The following GTF2F2 variants were observed in gnomAD, a reference collection of about 807,000 sequenced individuals.
The protein encoded by GTF2F2 is ATP-dependent helicase GTF2F2.
In GTF2F2, 23 loss-of-function variants were observed where a neutral mutation model predicts 42.2. The ratio of observed to expected loss-of-function variants is 0.55; its 90% CI spans 0.39 to 0.77. The LOEUF is 0.77. GTF2F2 is among the 30% of genes least tolerant of loss of function. The pLI, the probability that GTF2F2 is intolerant of heterozygous loss-of-function variation, is 0.00. For missense variants in GTF2F2, 261 were observed against 287.2 expected (o/e 0.91, Z 0.66); for synonymous variants, 105 against 100.8 (o/e 1.04, Z -0.25).
rs1256778698 is a variant in GTF2F2 at position 45,193,909 on chromosome 13, A to C, written c.305-13515A>C. The C allele has an allele frequency of 1.2e-6, 2 of 1,614,178 alleles. No individual in the cohort carries two copies. Among genetic ancestry groups the C allele is most frequent in the Admixed American group, 3.3e-5 (2 of 60,016 alleles). On this transcript the variant is annotated intron_variant, in intron 4 of 7. Transcript: ENST00000340473. The stretch of plus-strand genomic sequence containing the variant: ...GATAGCCTCAAACTTAAGAGTTTCC[A>C]AGGTACAGACAAAGGTGTTGTCTTC...
At chr13:45,210,824 G>A (rs980688411) in intron 5 of GTF2F2, among the ~76,000 whole-genome samples, 1 of 152,094 alleles carries the variant, frequency 6.6e-6, no homozygotes, top group African/African-American at 2.4e-5. Context: ...TTTTAAGCTG[G>A]GTGGAATCTA....
intron 4 of GTF2F2, chr13:45,194,219 A>G: frequency 6.2e-7 from 1 of 1,614,132 alleles, no homozygotes; most frequent in Non-Finnish European, 8.5e-7. Context: ...TTGAGCTGAA[A>G]GAATTCTGCT....
At chr13:45,207,555 T>C (rs377359237) in intron 5 of GTF2F2, 50 bp downstream of exon 5, 105 of 1,086,004 alleles carry the variant, frequency 9.7e-5, no homozygotes, top group Admixed American at 6.9e-5. Flanking sequence ...CCTTTGGGGA[T>C]TGAGATACGT....
intron 4 of GTF2F2, among the ~76,000 whole-genome samples, chr13:45,155,850 T>C (rs1352705163): frequency 6.6e-6 from 1 of 152,250 alleles, no homozygotes; most frequent in African/African-American, 2.4e-5. Flanking sequence ...GCCTTACATT[T>C]CCCTGCCTTG....
intron 7 of GTF2F2, among the ~76,000 whole-genome samples, chr13:45,282,331 G>A (rs1877300904): frequency 6.6e-6 from 1 of 152,104 alleles, no homozygotes; most frequent in Non-Finnish European, 1.5e-5. Context: ...CAAAGGTCTA[G>A]TTTCATATTA....
At chr13:45,254,594 G>A (rs1876022205) in intron 6 of GTF2F2, among the ~76,000 whole-genome samples, 1 of 152,150 alleles carries the variant, frequency 6.6e-6, no homozygotes, top group African/African-American at 2.4e-5. Context: ...TACCTGAGGT[G>A]GTGCAGCCAG....
chr13:45,173,403 T>C lies in GTF2F2; in HGVS notation c.304+21572T>C, dbSNP rs1871696962. On this transcript the variant is annotated intron_variant, in intron 4 of 7. Transcript: ENST00000340473. ...TGTGTGTGTGTGTGTGTGTATTGTT[T>C]AGTTTCATGCAGTTTTGTCACGTGT... Among the ~76,000 whole-genome samples the C allele has an allele frequency of 2.0e-5, 3 of 151,222 alleles. No homozygotes were observed. The South Asian group carries it at 6.3e-4, about 32-fold the overall frequency.
At chr13:45,206,129 A>C (rs547685081) in intron 4 of GTF2F2, among the ~76,000 whole-genome samples, 1 of 152,306 alleles carries the variant, frequency 6.6e-6, no homozygotes, top group South Asian at 2.1e-4. Flanking sequence ...TAAGGTAGTC[A>C]TGCTTCTCAT....
intron 1 of GTF2F2, among the ~76,000 whole-genome samples, chr13:45,127,332 G>A (rs1009416743): frequency 2.0e-5 from 3 of 148,894 alleles, no homozygotes; most frequent in Non-Finnish European, 4.4e-5. Context: ...TTTTTTTTTG[G>A]TCTTTCTTTT....
intron 4 of GTF2F2, among the ~76,000 whole-genome samples, chr13:45,192,545 A>G (rs528406235): frequency 1.3e-5 from 2 of 152,326 alleles, no homozygotes; most frequent in South Asian, 4.1e-4. Context: ...ATTTTAAAAG[A>G]GCAAATTTAA....
intron 5 of GTF2F2, among the ~76,000 whole-genome samples, chr13:45,244,303 C>T (rs1815181377): frequency 1.3e-5 from 2 of 152,106 alleles, no homozygotes; most frequent in African/African-American, 4.8e-5. Context: ...GGATTAATAG[C>T]ATGAACCCTA....
chr13:45,170,698 C>A (rs1871551796), intron 4 of GTF2F2, among the ~76,000 whole-genome samples: 2 of 152,134 alleles, frequency 1.3e-5, no homozygotes, highest in African/African-American at 4.8e-5. Context: ...ACAAGAAAGA[C>A]TAGGGGCTGC....
In GTF2F2 at chr13:45,136,806, A is replaced by G. The variant is rs1438776132; in HGVS notation, c.140A>G (p.Lys47Arg). The change falls in exon 2 of 8, where the codon AAG becomes AGG. Residue 47 changes from lysine to arginine, a missense_variant and splice_region_variant. By Grantham distance (26) the Lys-to-Arg change is conservative. Transcript: ENST00000340473. ...RGEVGKLRIA[K>R]TQGRTEVSFT... is the part of the protein sequence containing the mutation. ...GAAGTTGGGAAACTGCGGATTGCCAAGTAAGTTATTTACATATTCTTGACA... is the reference window on the plus strand; with the variant it reads ...GAAGTTGGGAAACTGCGGATTGCCAGGTAAGTTATTTACATATTCTTGACA... 2.6e-6 allele frequency: 4 copies of G among 1,534,370 alleles called. No individual in the cohort carries two copies. Among genetic ancestry groups the G allele is most frequent in the South Asian group, 1.1e-5 (1 of 88,788 alleles).
At chr13:45,129,492 G>A (rs1327291447) in intron 1 of GTF2F2, among the ~76,000 whole-genome samples, 1 of 152,188 alleles carries the variant, frequency 6.6e-6, no homozygotes, top group Non-Finnish European at 1.5e-5. Context: ...TTACAGGCGT[G>A]AGCCACCATG....
intron 5 of GTF2F2, among the ~76,000 whole-genome samples, chr13:45,225,673 C>T (rs1353546202): frequency 2.6e-5 from 4 of 151,274 alleles, no homozygotes; most frequent in East Asian, 1.9e-4. Context: ...CAAAGACAAC[C>T]GTGATTAGAA....
intron 4 of GTF2F2, among the ~76,000 whole-genome samples, chr13:45,190,940 TA>T (rs34236995): frequency 0.14 from 19,225 of 135,258 alleles, 3,365 homozygotes; most frequent in African/African-American, 0.42. Context: ...TAATTTTCTT[TA>T]AAAAAAAAAA....
At chr13:45,225,011 C>T (rs79725827) in intron 5 of GTF2F2, among the ~76,000 whole-genome samples, 1 of 152,142 alleles carries the variant, frequency 6.6e-6, no homozygotes, top group Non-Finnish European at 1.5e-5. Flanking sequence ...CTCAAACTTT[C>T]ATGTTTGTGT....
At chr13:45,167,990 A>C (rs936718415) in intron 4 of GTF2F2, among the ~76,000 whole-genome samples, 14 of 152,248 alleles carry the variant, frequency 9.2e-5, no homozygotes, top group African/African-American at 3.4e-4. Context: ...TTATATAGCT[A>C]TGCAGAACTT....
chr13:45,123,043 G>T (rs923838503), intron 1 of GTF2F2: 1 of 152,068 alleles, frequency 6.6e-6, no homozygotes, highest in African/African-American at 2.4e-5. Flanking sequence ...GCCACTGCAT[G>T]CACTCCTGCC....
Sources: allele counts gnomAD v4.1 joint callset (sites outside exome capture counted in the v4.1 genomes callset), GRCh38; gene constraint gnomAD v4.1.1; transcripts MANE v1.5; gene names NCBI Gene and HGNC (gene_info 2026-07-23, HGNC 2026-07-21).